Variants in SPTBN5 observed in about 807,000 individuals in gnomAD.
The protein encoded by SPTBN5 is spectrin beta, non-erythrocytic 5.
In SPTBN5, 513 loss-of-function variants were observed where a neutral mutation model predicts 477.6. The ratio of observed to expected loss-of-function variants is 1.07; its 90% CI spans 1.00 to 1.16. SPTBN5 has a LOEUF of 1.16. Ranked by LOEUF, SPTBN5 falls within the 50% of genes most tolerant of loss-of-function variation. The pLI is 0.00. For synonymous variants in SPTBN5, 2,169 were observed against 2,011.7 expected (o/e 1.08, Z -2.09); for missense variants, 5,062 against 4,731.8 (o/e 1.07, Z -2.05).
In SPTBN5 at chr15:41,880,287, G is replaced by C. The variant is rs745789403; in HGVS notation, c.2684C>G (p.Ala895Gly). The C allele has an allele frequency of 7.5e-6, 12 of 1,606,468 alleles. No individual in the cohort carries two copies. Among genetic ancestry groups the C allele is most frequent in the Middle Eastern group, 1.7e-4 (1 of 6,010 alleles). Residue 895 changes from alanine (A) to glycine (G), a missense_variant, in exon 14 of 68, where the codon GCC becomes GGC. Coordinates refer to ENST00000320955, the MANE Select transcript of SPTBN5 (RefSeq NM_016642.4). Reference protein sequence around the residue: ...AQLRRARLEEAMALFGFCSSC... With the variant: ...AQLRRARLEEGMALFGFCSSC... ...ACTGCAGAAACCGAACAGGGCCATG[G>C]CCTCCTCCAACCGGGCCCTGCGGAG...
In SPTBN5 at chr15:41,879,393, G is replaced by A. The variant is rs200975789; in HGVS notation, c.3049C>T (p.Arg1017Ter). The A allele has an allele frequency of 3.0e-5, 49 of 1,610,490 alleles. No individual in the cohort carries two copies. Among genetic ancestry groups the A allele is most frequent in the South Asian group, 8.8e-5 (8 of 91,048 alleles). The change falls in exon 16 of 68, where the codon CGA becomes TGA. Residue 1017 changes from arginine to a stop codon, truncating the protein, a stop_gained. Transcript: ENST00000320955. LOFTEE classifies it high-confidence loss of function. Reference sequence around the variant, plus strand: ...GCCTCCAGCTGGAGGAGCACGTCTCGCAGCTGGACCTGTGTGGGTCCACAC... The same window carrying A: ...GCCTCCAGCTGGAGGAGCACGTCTCACAGCTGGACCTGTGTGGGTCCACAC... ...QECGPTQVQL[R>*]DVLLQLEALQ...
chr15:41,881,404 G>A (rs996365176), intron 12 of SPTBN5, among the ~76,000 whole-genome samples, 170 bp from the exon 13 acceptor site: 4 of 152,228 alleles, frequency 2.6e-5, no homozygotes, highest in Admixed American at 6.5e-5. Context: ...GCTGAGGGTC[G>A]AGGGGCCAAA....
At position 41,850,877 on chromosome 15, in the gene SPTBN5, C is replaced by T. The variant is rs747829752; in HGVS notation, c.10898G>A (p.Trp3633Ter). The T allele has an allele frequency of 3.1e-6, 5 of 1,602,238 alleles. No homozygotes were observed. Among genetic ancestry groups the T allele is most frequent in the Admixed American group, 3.4e-5 (2 of 58,772 alleles). ...ACCTGCAGTGCTGCCCAGGGCTCGC[C>T]ACCAGCTCTCAGCCTGCTCTTCGGA... ...APSEEQAESWWRALGSTAAQS... is the reference protein window; with the variant it reads ...APSEEQAESW Residue 3633 changes from tryptophan to a stop codon, truncating the protein, a stop_gained, in exon 66 of 68, where the codon TGG becomes TAG. Coordinates refer to ENST00000320955, the MANE Select transcript of SPTBN5 (RefSeq NM_016642.4). LOFTEE classifies it high-confidence loss of function.
chr15:41,874,734 C>T, intron 23 of SPTBN5, 108 bp downstream of exon 23: 1 of 1,153,810 alleles, frequency 8.7e-7, no homozygotes, highest in South Asian at 1.6e-5. Flanking sequence ...AATGACTCTA[C>T]TCATAAGGGA....
At position 41,848,353 on chromosome 15, in the gene SPTBN5, G is replaced by A; in HGVS notation, c.*263C>T. 1.8e-6 allele frequency: 1 copy of A among 570,456 alleles called. No homozygotes were observed. Among genetic ancestry groups the A allele is most frequent in the Non-Finnish European group, 3.2e-6 (1 of 316,884 alleles). 35.3% of individuals were successfully genotyped at this position (570,456 alleles called of 1,614,324 possible). ...GCCACATGGGCCTGGGGTAGCCCTG[G>A]CCTTGCCCACCTGCTCTGCCGTAAC... is the stretch of plus-strand genomic sequence containing the variant. On this transcript the variant is annotated 3_prime_UTR_variant, in exon 68 of 68. Transcript: ENST00000320955.
chr15:41,888,917 G>A (rs2067232731), intron 4 of SPTBN5, among the ~76,000 whole-genome samples: 1 of 152,238 alleles, frequency 6.6e-6, no homozygotes. Flanking sequence ...TCAGGCCCCA[G>A]TACCCTGCAT....
chr15:41,863,932 C>G lies in SPTBN5; in HGVS notation c.7011G>C (p.Gln2337His), dbSNP rs2066209254. 6.2e-7 allele frequency: 1 copy of G among 1,613,794 alleles called. No individual in the cohort carries two copies. Among genetic ancestry groups the G allele is most frequent in the Admixed American group, 1.7e-5 (1 of 60,008 alleles). ...GCCTGTTGTTGAGCTGGCTTCGCCG[C>G]TGGCAGATGATCTTGACTTCCTCAG... ...RDPEEVKIIC[Q>H]RRSQLNNRWA... The change falls in exon 40 of 68, where the codon CAG becomes CAC. Residue 2337 changes from glutamine (Q) to histidine (H), a missense_variant. Physicochemically the swap from Gln to His is conservative, Grantham distance 24. Transcript: ENST00000320955.
At chr15:41,871,700 T>C in intron 28 of SPTBN5, 82 bp downstream of exon 28, 1 of 1,433,320 alleles carries the variant, frequency 7.0e-7, no homozygotes, top group Non-Finnish European at 9.2e-7. Flanking sequence ...GCCACCTTCT[T>C]CCTCCGCCCC....
At chr15:41,864,134 A>G (rs1351362254) in intron 39 of SPTBN5, 110 bp from the exon 40 acceptor site, 2 of 922,392 alleles carry the variant, frequency 2.2e-6, no homozygotes, top group Non-Finnish European at 3.3e-6. Context: ...GAGGAACTGC[A>G]TATTTGGGCA....
rs2066949703 is a variant in SPTBN5, at chr15:41,881,450, TC to T, written c.2458-217del. Among the ~76,000 whole-genome samples, 7 of 152,268 alleles carry T rather than the reference TC, an allele frequency of 4.6e-5. No homozygotes were observed. In the South Asian group the frequency reaches 1.5e-3, roughly 32 times the overall value. ...GGATCTGATGGCTTTGATTTCCACATCGTGTGCTGCATACACAGCTTCTTGA... is the reference window on the plus strand; with the variant it reads ...GGATCTGATGGCTTTGATTTCCACATGTGTGCTGCATACACAGCTTCTTGA... On this transcript the variant is annotated intron_variant, in intron 12 of 67. Coordinates refer to ENST00000320955, the MANE Select transcript of SPTBN5 (RefSeq NM_016642.4).
In SPTBN5 at chr15:41,850,850, C is replaced by CCA. The variant is rs775243933; in HGVS notation, c.10921+2_10921+3dup. ...CCTCCCCGCATCCTTCCCCTGAAGC[C>CCA]CACCTGCAGTGCTGCCCAGGGCTCG... On this transcript the variant is annotated splice_donor_region_variant and intron_variant, in intron 66 of 67. Coordinates refer to ENST00000320955, the MANE Select transcript of SPTBN5 (RefSeq NM_016642.4). 1 of 1,591,316 alleles carries CCA rather than the reference C, an allele frequency of 6.3e-7. No individual in the cohort carries two copies. The highest frequency in any genetic ancestry group is 8.5e-7 in the Non-Finnish European group (1 of 1,169,962).
chr15:41,878,659 T>C, intron 16 of SPTBN5, 30 bp from the exon 17 acceptor site: 2 of 1,590,138 alleles, frequency 1.3e-6, no homozygotes, highest in Non-Finnish European at 1.7e-6. Flanking sequence ...GCACAGTCAG[T>C]GCCCTGTCCT....
chr15:41,849,833 G>C (rs1283004569), intron 67 of SPTBN5, 36 bp downstream of exon 67: 1 of 1,521,864 alleles, frequency 6.6e-7, no homozygotes, highest in South Asian at 1.2e-5. Context: ...GAAGCCCAGG[G>C]CTCCCCGCCC....
At chr15:41,865,305 C>CA (rs2066262128) in intron 39 of SPTBN5, among the ~76,000 whole-genome samples, 1 of 152,204 alleles carries the variant, frequency 6.6e-6, no homozygotes, top group African/African-American at 2.4e-5. Context: ...TTATCTGCCA[C>CA]ATCCAGGCAT....
At chr15:41,854,283 G>T (rs774983943) in intron 56 of SPTBN5, 78 bp from the exon 57 acceptor site, 5 of 1,498,358 alleles carry the variant, frequency 3.3e-6, no homozygotes, top group Non-Finnish European at 4.5e-6. Flanking sequence ...ATGGCCTTCT[G>T]GGCCACCTCC....
At position 41,855,435 on chromosome 15, in the gene SPTBN5, GA is replaced by G. The variant is rs1567185277; in HGVS notation, c.9219-8del. The stretch of plus-strand genomic sequence containing the variant: ...CTGGGCTAGCACCTTGGGGCTGTGG[GA>G]AGAGAGCGACAGTCTGGACTGCAGC... On this transcript the variant is annotated splice_polypyrimidine_tract_variant and splice_region_variant and intron_variant, in intron 54 of 67. Coordinates refer to ENST00000320955, the MANE Select transcript of SPTBN5 (RefSeq NM_016642.4). 6.2e-7 allele frequency: 1 copy of G among 1,600,544 alleles called. No homozygotes were observed. Among genetic ancestry groups the G allele is most frequent in the Non-Finnish European group, 8.5e-7 (1 of 1,174,144 alleles).
intron 16 of SPTBN5, among the ~76,000 whole-genome samples, chr15:41,878,875 G>A (rs368019128): frequency 1.4e-4 from 21 of 152,260 alleles, no homozygotes; most frequent in East Asian, 5.8e-4. Flanking sequence ...AGACCATCCC[G>A]GCTAAAACGG....
At chr15:41,854,001 G>C in intron 57 of SPTBN5, 49 bp downstream of exon 57, 1 of 1,519,530 alleles carries the variant, frequency 6.6e-7, no homozygotes, top group Non-Finnish European at 8.8e-7. Flanking sequence ...CTCAGCCACC[G>C]CCTTCGGGCA....
In SPTBN5 at chr15:41,890,414, C is replaced by T. The variant is rs147073604; in HGVS notation, c.385-209G>A. ...GTTGGAGCCATGGCCTCAAGCCCACCTGGGTGAAGCCCCAACCTGGTGAAC... is the reference window on the plus strand; with the variant it reads ...GTTGGAGCCATGGCCTCAAGCCCACTTGGGTGAAGCCCCAACCTGGTGAAC... On this transcript the variant is annotated intron_variant, in intron 3 of 67. Transcript: ENST00000320955. Among the ~76,000 whole-genome samples the T allele has an allele frequency of 2.0e-3, 310 of 152,374 alleles. 1 individual carries two copies. The highest frequency in any genetic ancestry group is 7.1e-3 in the African/African-American group (296 of 41,594).
Sources: allele counts gnomAD v4.1 joint callset (sites outside exome capture counted in the v4.1 genomes callset), GRCh38; gene constraint gnomAD v4.1.1; transcripts MANE v1.5; gene names NCBI Gene and HGNC (gene_info 2026-07-23, HGNC 2026-07-21).